The following SSPN variants were observed in gnomAD, a reference collection of about 807,000 sequenced individuals.
SSPN encodes the protein K-ras oncogene-associated protein.
A neutral mutation model predicts 19.1 loss-of-function variants in SSPN; 15 were observed. That is an observed-to-expected ratio of 0.78 (90% CI 0.52 to 1.21). The LOEUF is 1.21. Among genes scored for constraint, SSPN ranks in the 50% most tolerant of loss-of-function variants. The pLI, the probability that SSPN is intolerant of heterozygous loss-of-function variation, is 0.00. For missense variants in SSPN, 291 were observed against 314.0 expected, an observed-to-expected ratio of 0.93 and a Z score of 0.55; for synonymous variants, 147 against 140.3, an observed-to-expected ratio of 1.05 and a Z score of -0.34.
intron 1 of SSPN, among the ~76,000 whole-genome samples, chr12:26,136,005 G>T (rs1944423015): frequency 6.6e-6 from 1 of 152,094 alleles, no homozygotes; most frequent in East Asian, 1.9e-4. Flanking sequence ...ATATCTGTGG[G>T]CTCCCATCCA....
chr12:26,166,012 T>A (rs557550815), intron 1 of SSPN, among the ~76,000 whole-genome samples: 2 of 152,308 alleles, frequency 1.3e-5, no homozygotes, highest in African/African-American at 4.8e-5. Context: ...CTAAACTGAT[T>A]TTAAGAATAT....
chr12:26,208,239 C>T (rs892251269), intron 1 of SSPN, among the ~76,000 whole-genome samples: 6 of 152,188 alleles, frequency 3.9e-5, no homozygotes, highest in Non-Finnish European at 5.9e-5. Context: ...GTCACTACCA[C>T]AAATCCAAAT....
At position 26,122,503 on chromosome 12, in the gene SSPN, G is replaced by A. The variant is rs1282711813; in HGVS notation, c.-31+351G>A. ...GGGGCCGCGGCGGCCGCGGGCTGCGGGAAGGGCGCGCCTCCGCCTCCGCCG... is the reference window on the plus strand; with the variant it reads ...GGGGCCGCGGCGGCCGCGGGCTGCGAGAAGGGCGCGCCTCCGCCTCCGCCG... On this transcript the variant is annotated intron_variant, in intron 1 of 2. Coordinates refer to the SSPN transcript ENST00000538142. 7.6e-6 allele frequency: 10 copies of A among 1,312,734 alleles called. No homozygotes were observed. Among genetic ancestry groups the A allele is most frequent in the Non-Finnish European group, 9.8e-6 (10 of 1,020,496 alleles). The allele number at this position is 1,312,734 out of a possible 1,614,324, so 81.3% of individuals were successfully genotyped here.
intron 1 of SSPN, among the ~76,000 whole-genome samples, chr12:26,140,674 C>A (rs1944455331): frequency 6.6e-6 from 1 of 152,204 alleles, no homozygotes; most frequent in Non-Finnish European, 1.5e-5. Flanking sequence ...CCTTCACTCT[C>A]TTCCTCCTGC....
chr12:26,228,138 G>A (rs543342555), intron 2 of SSPN, among the ~76,000 whole-genome samples: 1 of 152,272 alleles, frequency 6.6e-6, no homozygotes, highest in Admixed American at 6.5e-5. Context: ...GCTCATGCCT[G>A]TAATCTCAGC....
At chr12:26,197,068 T>A (rs900501467) in intron 1 of SSPN, among the ~76,000 whole-genome samples, 1 of 152,236 alleles carries the variant, frequency 6.6e-6, no homozygotes, top group African/African-American at 2.4e-5. Flanking sequence ...TTAGATGACA[T>A]TCTCAAGCCC....
At chr12:26,221,287 TTTTCATCAGGGTAGTCATTC>T (rs1314655602) in intron 1 of SSPN, among the ~76,000 whole-genome samples, 2 of 152,196 alleles carry the variant, frequency 1.3e-5, no homozygotes, top group African/African-American at 4.8e-5. Flanking sequence ...CTCCAGGAAG[TTTTCATCAGGGTAGTCATTC>T]CTTCTGGGTA....
intron 1 of SSPN, among the ~76,000 whole-genome samples, chr12:26,205,365 G>C (rs1944922243): frequency 1.3e-5 from 2 of 152,154 alleles, no homozygotes; most frequent in South Asian, 4.1e-4. Context: ...ACCAGAAAAG[G>C]GGGAGGGGGC....
rs181362693 is a variant in SSPN, at chr12:26,149,430, T to C, written c.-31+27278T>C. 8.1e-4 allele frequency among the ~76,000 whole-genome samples: 124 copies of C among 152,318 alleles called. 1 individual carries two copies. The highest frequency in any genetic ancestry group is 2.9e-3 in the African/African-American group (122 of 41,576). On this transcript the variant is annotated intron_variant, in intron 1 of 2. Transcript: ENST00000538142. ...GTCCCTAATGATTTCCATATTTAGC[T>C]CACTTTATTTGGGGGCAAAAAATCA...
chr12:26,222,683 A>C (rs1044773105), intron 1 of SSPN, among the ~76,000 whole-genome samples: 1 of 152,254 alleles, frequency 6.6e-6, no homozygotes, highest in Non-Finnish European at 1.5e-5. Context: ...TCCAAAATTG[A>C]ATGTGAATAG....
chr12:26,195,729 G>A lies in SSPN; in HGVS notation c.57G>A (p.Ala19=). The A allele has an allele frequency of 6.4e-6, 8 of 1,246,708 alleles. No individual in the cohort carries two copies. Among genetic ancestry groups the A allele is most frequent in the Non-Finnish European group, 7.1e-6 (7 of 979,492 alleles). The allele number at this position is 1,246,708 out of a possible 1,614,324, so 77.2% of individuals were successfully genotyped here. The change falls in exon 1 of 3, where the codon GCG becomes GCA. Residue 19 remains alanine, a synonymous_variant. Transcript: ENST00000242729. ...GQQRQGGPPA[A]DAAGPDDMEP... ...AGAGGCAGGGGGGCCCGCCGGCCGC[G>A]GACGCCGCTGGGCCCGACGACATGG...
At position 26,231,026 on chromosome 12, in the gene SSPN, G is replaced by T; in HGVS notation, c.682G>T (p.Val228Phe). The change falls in exon 3 of 3, where the codon GTC (valine) becomes TTC (phenylalanine). Residue 228 changes from valine (V) to phenylalanine (F), a missense_variant. Around this residue, in one of 3 missense-constraint regions of SSPN, gnomAD observed 141 missense variants for 166.7 expected, o/e 0.85. Transcript: ENST00000242729. Reference protein sequence around the residue: ...KHRYQVFYVGVRICSLTASEG... With the variant: ...KHRYQVFYVGFRICSLTASEG... ...TAGGTACCAGGTCTTCTATGTGGGT[G>T]TCAGGATATGCTCCCTCACGGCTTC... The T allele has an allele frequency of 6.2e-7, 1 of 1,614,068 alleles. No homozygotes were observed. The highest frequency in any genetic ancestry group is 1.7e-5 in the Admixed American group (1 of 60,018).
At chr12:26,140,257 G>T (rs1944451144) in intron 1 of SSPN, among the ~76,000 whole-genome samples, 1 of 152,188 alleles carries the variant, frequency 6.6e-6, no homozygotes, top group African/African-American at 2.4e-5. Flanking sequence ...TCTTCCTCCA[G>T]TCTTCATCAT....
intron 1 of SSPN, among the ~76,000 whole-genome samples, chr12:26,202,208 T>A (rs1267283078): frequency 6.6e-6 from 1 of 152,192 alleles, no homozygotes; most frequent in African/African-American, 2.4e-5. Flanking sequence ...ACAACCATCC[T>A]TTTTTTATCC....
intron 1 of SSPN, among the ~76,000 whole-genome samples, chr12:26,210,514 C>G (rs537810028): frequency 1.8e-4 from 27 of 151,630 alleles, no homozygotes; most frequent in South Asian, 4.1e-4. Flanking sequence ...CTCTCTGTGT[C>G]TCTCTCTCTC....
At chr12:26,136,636 G>A (rs1944426899) in intron 1 of SSPN, among the ~76,000 whole-genome samples, 3 of 152,186 alleles carry the variant, frequency 2.0e-5, no homozygotes, top group Admixed American at 6.5e-5. Context: ...TTGATGAATT[G>A]AGTAACATTT....
intron 1 of SSPN, among the ~76,000 whole-genome samples, chr12:26,130,056 G>C (rs1944388867): frequency 6.6e-6 from 1 of 152,146 alleles, no homozygotes; most frequent in Non-Finnish European, 1.5e-5. Flanking sequence ...CATACTGATT[G>C]AGGTGGATCC....
At chr12:26,176,101 T>C (rs1944682227) in intron 1 of SSPN, among the ~76,000 whole-genome samples, 1 of 152,220 alleles carries the variant, frequency 6.6e-6, no homozygotes, top group Admixed American at 6.5e-5. Context: ...CCTCCTAAAG[T>C]GCTGGGATTA....
intron 1 of SSPN, among the ~76,000 whole-genome samples, chr12:26,173,640 G>A (rs1029218766): frequency 6.6e-6 from 1 of 152,114 alleles, no homozygotes; most frequent in Non-Finnish European, 1.5e-5. Flanking sequence ...AAGGAAGGTA[G>A]GCAAATACAT....
Sources: gnomAD v4.1 joint callset for allele counts (sites outside exome capture counted in the v4.1 genomes callset) on GRCh38, gnomAD v4.1.1 for gene constraint, gnomAD v4.1.1 regional missense constraint, MANE v1.5 for transcripts, NCBI Gene and HGNC (gene_info 2026-07-23, HGNC 2026-07-21) for gene names.